The following TENM3 variants were observed in gnomAD, a reference collection of about 807,000 sequenced individuals.
The protein encoded by TENM3 is teneurin-3.
TENM3 carries 63 observed loss-of-function variants against 255.1 expected under a neutral mutation model. That is an observed-to-expected ratio of 0.25 (90% confidence interval 0.20 to 0.30). The LOEUF is 0.30. Ranked by LOEUF, TENM3 falls within the 10% of genes least tolerant of loss-of-function variation. The probability of loss-of-function intolerance (pLI) is 1.00; values close to 1 mark genes in which losing one functional copy is unlikely to be tolerated. For missense variants in TENM3, 2,929 were observed against 3,461.1 expected (o/e 0.85, Z 3.86); for synonymous variants, 1,306 against 1,322.3 (o/e 0.99, Z 0.27).
At chr4:181,928,530 G>A in the TENM3 span, among the ~76,000 whole-genome samples, 4 of 151,948 alleles carry the variant, frequency 2.6e-5, no homozygotes, top group South Asian at 2.1e-4. Flanking sequence ...ATGGGACTAC[G>A]TGAAAAGACC....
chr4:182,360,859 C>G (rs182331805), intron 3 of TENM3, among the ~76,000 whole-genome samples: 1 of 152,210 alleles, frequency 6.6e-6, no homozygotes, highest in East Asian at 1.9e-4. Flanking sequence ...GTGGCTGGTA[C>G]TAGTTGTTCC....
the TENM3 span, among the ~76,000 whole-genome samples, chr4:181,470,553 A>G: frequency 6.6e-6 from 1 of 152,206 alleles, no homozygotes; most frequent in African/African-American, 2.4e-5. Context: ...GCACAACCTT[A>G]TATGAGCCCG....
intron 3 of TENM3, among the ~76,000 whole-genome samples, chr4:182,582,415 T>C (rs1745573815): frequency 6.6e-6 from 1 of 152,180 alleles, no homozygotes; most frequent in African/African-American, 2.4e-5. Flanking sequence ...CAGCTTAAGG[T>C]AGCTATGAGA....
chr4:181,485,481 AT>A, the TENM3 span, among the ~76,000 whole-genome samples: 1 of 150,892 alleles, frequency 6.6e-6, no homozygotes, highest in East Asian at 1.9e-4. Flanking sequence ...GTAGAAGAAG[AT>A]TTTTTTTAAA....
chr4:181,664,233 CA>C, the TENM3 span, among the ~76,000 whole-genome samples: 6 of 152,052 alleles, frequency 3.9e-5, no homozygotes, highest in African/African-American at 1.4e-4. Context: ...TTTGGGAAGC[CA>C]AGGAGGGTGG....
At chr4:182,616,913 C>G (rs937411132) in intron 4 of TENM3, among the ~76,000 whole-genome samples, 4 of 152,120 alleles carry the variant, frequency 2.6e-5, no homozygotes, top group Non-Finnish European at 5.9e-5. Context: ...TGTTTAATAG[C>G]TGCCAGAAAT....
In TENM3 at chr4:182,393,890, ACC is replaced by A. The variant is rs1271400208; in HGVS notation, c.511+46962_511+46963del. On this transcript the variant is annotated intron_variant, in intron 3 of 27. Coordinates refer to ENST00000511685, the MANE Select transcript of TENM3 (RefSeq NM_001080477.4). ...ATTGAGAAACTATTGGATATCAGAT[ACC>A]AACTGAAATGTGGCCAACTTGATAT... Among the ~76,000 whole-genome samples, 69 of 152,228 alleles carry A rather than the reference ACC, an allele frequency of 4.5e-4. 1 individual carries two copies. The highest frequency in any genetic ancestry group is 2.2e-4 in the Non-Finnish European group (15 of 68,030).
the TENM3 span, among the ~76,000 whole-genome samples, chr4:181,868,974 A>G: frequency 0.02 from 3,096 of 151,844 alleles, 40 homozygotes; most frequent in Middle Eastern, 0.044. Flanking sequence ...TCCACTTAAT[A>G]TTAGGATTTC....
chr4:182,444,412 A>G (rs1042039610), intron 3 of TENM3, among the ~76,000 whole-genome samples: 10 of 152,144 alleles, frequency 6.6e-5, no homozygotes, highest in Non-Finnish European at 1.5e-4. Flanking sequence ...AATTTCTTTG[A>G]TATGCTTTTA....
chr4:182,645,084 A>G (rs2152499784), intron 5 of TENM3, among the ~76,000 whole-genome samples: 1 of 151,992 alleles, frequency 6.6e-6, no homozygotes, highest in South Asian at 2.1e-4. Flanking sequence ...TATCTTCATA[A>G]TTGTTTTGTT....
the TENM3 span, among the ~76,000 whole-genome samples, chr4:181,616,549 TATATG>T: frequency 3.3e-5 from 5 of 151,344 alleles, no homozygotes; most frequent in African/African-American, 9.7e-5. Flanking sequence ...ACATGTATAT[TATATG>T]AGAGGATTTA....
At chr4:181,738,878 G>A in the TENM3 span, among the ~76,000 whole-genome samples, 1 of 151,980 alleles carries the variant, frequency 6.6e-6, no homozygotes, top group Non-Finnish European at 1.5e-5. Context: ...GAACCCTAAG[G>A]AGTATGTTTG....
chr4:182,188,051 G>C lies in TENM3; in HGVS notation c.-76+43297G>C, dbSNP rs554707501. Among the ~76,000 whole-genome samples, 3 of 152,196 alleles carry C rather than the reference G, an allele frequency of 2.0e-5. No individual in the cohort carries two copies. The South Asian group carries it at 6.2e-4, about 32-fold the overall frequency. The stretch of plus-strand genomic sequence containing the variant: ...TGTTTAAATACTAAACAGAAAGTTT[G>C]TTTTGAAATACAATTTTGAAGGTCT... On this transcript the variant is annotated intron_variant, in intron 1 of 2. Transcript: ENST00000512480.
chr4:182,606,357 C>G (rs555861743), intron 4 of TENM3, among the ~76,000 whole-genome samples: 1 of 151,892 alleles, frequency 6.6e-6, no homozygotes, highest in South Asian at 2.1e-4. Context: ...AACCCCGTCT[C>G]TACGAAAAAT....
chr4:181,782,134 T>C, the TENM3 span, among the ~76,000 whole-genome samples: 3 of 152,204 alleles, frequency 2.0e-5, no homozygotes, highest in Admixed American at 6.5e-5. Context: ...GCTGGCCTCA[T>C]AAAATGAGTT....
At chr4:181,824,906 C>A in the TENM3 span, among the ~76,000 whole-genome samples, 1 of 152,148 alleles carries the variant, frequency 6.6e-6, no homozygotes, top group Non-Finnish European at 1.5e-5. Flanking sequence ...TTAAGACCAC[C>A]GGGCACTCAC....
At chr4:182,362,714 C>T (rs540878986) in intron 3 of TENM3, among the ~76,000 whole-genome samples, 6 of 152,134 alleles carry the variant, frequency 3.9e-5, no homozygotes, top group African/African-American at 9.7e-5. Flanking sequence ...GGCTCGCACA[C>T]GGTGCACGCA....
At chr4:181,467,125 A>ATATTTTTTTT in the TENM3 span, among the ~76,000 whole-genome samples, 2 of 17,618 alleles carry the variant, frequency 1.1e-4, no homozygotes, top group Non-Finnish European at 2.2e-4. Context: ...ATATATATAT[A>ATATTTTTTTT]TTTTTTTTTT....
the TENM3 span, among the ~76,000 whole-genome samples, chr4:181,651,904 A>C: frequency 1.3e-5 from 2 of 152,176 alleles, no homozygotes; most frequent in Non-Finnish European, 2.9e-5. Flanking sequence ...CTCTTGTACA[A>C]ATGAACCCAG....
Sources: allele counts gnomAD v4.1 joint callset (sites outside exome capture counted in the v4.1 genomes callset), GRCh38; gene constraint gnomAD v4.1.1; transcripts MANE v1.5; gene names NCBI Gene and HGNC (gene_info 2026-07-23, HGNC 2026-07-21).